PRDM5: variants seen among roughly 807,000 people sequenced by gnomAD.
The protein encoded by PRDM5 is PR/SET domain 5.
PRDM5 carries 56 observed loss-of-function variants against 81.2 expected under a neutral mutation model. The observed-to-expected ratio is 0.69, with a 90% CI of 0.56 to 0.86. The LOEUF (loss-of-function observed/expected upper bound fraction) is 0.86, where lower values mean the gene tolerates loss of function less well. Ranked by LOEUF, PRDM5 falls within the 40% of genes least tolerant of loss-of-function variation. PRDM5 has a pLI of 0.00. For missense variants in PRDM5, 697 were observed against 770.1 expected (o/e 0.91, Z 1.12); for synonymous variants, 267 against 256.4 (o/e 1.04, Z -0.39).
At chr4:120,716,968 T>C (rs796742412) in intron 14 of PRDM5, among the ~76,000 whole-genome samples, 33 of 151,350 alleles carry the variant, frequency 2.2e-4, no homozygotes, top group African/African-American at 8.0e-4. Flanking sequence ...AATCAGAACA[T>C]GGTCAACACA....
At chr4:120,690,741 AT>A (rs908987830), downstream of PRDM5, among the ~76,000 whole-genome samples, 1 of 152,044 alleles carries the variant, frequency 6.6e-6, no homozygotes, top group Non-Finnish European at 1.5e-5. Flanking sequence ...TATTTTTTGA[AT>A]TTTTTAAGTG....
At chr4:120,862,858 C>A (rs1450476) in intron 2 of PRDM5, among the ~76,000 whole-genome samples, 1 of 151,764 alleles carries the variant, frequency 6.6e-6, no homozygotes, top group African/African-American at 2.4e-5. Flanking sequence ...TTTTTATTTG[C>A]GGGCAAAGAG....
intron 8 of PRDM5, among the ~76,000 whole-genome samples, chr4:120,801,853 A>G (rs527249886): frequency 6.6e-6 from 1 of 151,354 alleles, no homozygotes; most frequent in East Asian, 2.0e-4. Flanking sequence ...GAGCAGATTT[A>G]TATTCTTAAA....
At chr4:120,847,220 G>A (rs150449035) in intron 3 of PRDM5, among the ~76,000 whole-genome samples, 1,581 of 152,210 alleles carry the variant, frequency 0.01, 25 homozygotes, top group Admixed American at 0.014. Context: ...ACTGTGCCAA[G>A]GTTGGCCTGT....
chr4:120,871,437 G>A (rs1179442573), intron 2 of PRDM5, among the ~76,000 whole-genome samples: 2 of 152,084 alleles, frequency 1.3e-5, no homozygotes, highest in Admixed American at 1.3e-4. Context: ...ATGTTGACAC[G>A]ACCCTCCTGA....
chr4:120,894,552 A>T (rs1764409164), intron 2 of PRDM5, among the ~76,000 whole-genome samples: 2 of 152,198 alleles, frequency 1.3e-5, no homozygotes, highest in African/African-American at 4.8e-5. Context: ...GTTTGACAAC[A>T]CTACTTATAA....
At chr4:120,875,838 T>G (rs1323071632) in intron 2 of PRDM5, among the ~76,000 whole-genome samples, 1 of 152,176 alleles carries the variant, frequency 6.6e-6, no homozygotes, top group Non-Finnish European at 1.5e-5. Context: ...GCTTACAGGA[T>G]AGATGCCATG....
At chr4:120,805,136 C>T (rs1431753970) in intron 8 of PRDM5, among the ~76,000 whole-genome samples, 1 of 152,116 alleles carries the variant, frequency 6.6e-6, no homozygotes, top group African/African-American at 2.4e-5. Flanking sequence ...ATACACCCTC[C>T]CAAGACTAAA....
chr4:120,794,212 C>T (rs538135952), intron 10 of PRDM5, among the ~76,000 whole-genome samples: 1 of 152,268 alleles, frequency 6.6e-6, no homozygotes, highest in East Asian at 1.9e-4. Flanking sequence ...ACCTCTCCTG[C>T]AGCATCACTG....
intron 13 of PRDM5, among the ~76,000 whole-genome samples, chr4:120,758,628 T>A (rs184829110): frequency 6.6e-6 from 1 of 152,116 alleles, no homozygotes; most frequent in African/African-American, 2.4e-5. Context: ...ACAGGGAGCA[T>A]GGCCATGCAA....
intron 7 of PRDM5, 76 bp downstream of exon 7, chr4:120,816,377 G>A (rs1192549611): frequency 6.2e-7 from 1 of 1,610,164 alleles, no homozygotes; most frequent in East Asian, 2.2e-5. Flanking sequence ...CTCCTCAAGA[G>A]CGAGAATTAA....
At chr4:120,849,951 T>G (rs1175513935) in intron 3 of PRDM5, among the ~76,000 whole-genome samples, 1 of 152,102 alleles carries the variant, frequency 6.6e-6, no homozygotes, top group Non-Finnish European at 1.5e-5. Context: ...TTCTGAAAAG[T>G]GTGCATGTGG....
At position 120,887,349 on chromosome 4, in the gene PRDM5, G is replaced by A. The variant is rs187367555; in HGVS notation, c.177+20125C>T. ...ACTTCTCACCAAATCTACTGTTAGG[G>A]CCCAACTCCAAGCCACCATCAAATC... On this transcript the variant is annotated intron_variant, in intron 2 of 15. Coordinates refer to ENST00000264808, the MANE Select transcript of PRDM5 (RefSeq NM_018699.4). Among the ~76,000 whole-genome samples the A allele has an allele frequency of 3.3e-4, 50 of 151,986 alleles. 1 individual carries two copies. The highest frequency in any genetic ancestry group is 3.4e-3 in the Middle Eastern group (1 of 294).
intron 1 of PRDM5, among the ~76,000 whole-genome samples, chr4:120,908,463 A>C (rs570272674): frequency 6.6e-6 from 1 of 152,364 alleles, no homozygotes; most frequent in African/African-American, 2.4e-5. Context: ...TGAACATTGT[A>C]AGGAGAAAAG....
chr4:120,819,764 CA>C (rs1405047877), intron 4 of PRDM5, among the ~76,000 whole-genome samples: 1 of 151,978 alleles, frequency 6.6e-6, no homozygotes, highest in Admixed American at 6.6e-5. Context: ...AATACAAAAA[CA>C]AAGAAAACAC....
At chr4:120,709,602 T>G (rs1736660708) in intron 15 of PRDM5, among the ~76,000 whole-genome samples, 1 of 152,220 alleles carries the variant, frequency 6.6e-6, no homozygotes, top group African/African-American at 2.4e-5. Flanking sequence ...AATTCTGCAC[T>G]GTGCCATATC....
At chr4:120,793,581 G>C (rs1215587318) in intron 10 of PRDM5, among the ~76,000 whole-genome samples, 1 of 152,146 alleles carries the variant, frequency 6.6e-6, no homozygotes, top group Non-Finnish European at 1.5e-5. Flanking sequence ...GCTACATTTA[G>C]TAATAATGTA....
chr4:120,770,010 T>C (rs1186345908), intron 13 of PRDM5, among the ~76,000 whole-genome samples: 3 of 110,932 alleles, frequency 2.7e-5, no homozygotes, highest in African/African-American at 1.0e-4. Context: ...ATATCCCTAT[T>C]TATTTATTTA....
At chr4:120,814,518 C>G (rs1489844688) in intron 7 of PRDM5, among the ~76,000 whole-genome samples, 2 of 152,166 alleles carry the variant, frequency 1.3e-5, no homozygotes, top group East Asian at 1.9e-4. Flanking sequence ...CCTACCTACC[C>G]ATGTTATGGT....
Sources: gnomAD v4.1 joint callset for allele counts (sites outside exome capture counted in the v4.1 genomes callset) on GRCh38, gnomAD v4.1.1 for gene constraint, MANE v1.5 for transcripts, NCBI Gene and HGNC (gene_info 2026-07-23, HGNC 2026-07-21) for gene names.